The following BANK1 variants were observed in gnomAD, a reference collection of about 807,000 sequenced individuals.
BANK1 encodes B cell scaffold protein with ankyrin repeats 1.
A neutral mutation model predicts 94.5 loss-of-function variants in BANK1; 95 were observed. The observed-to-expected ratio is 1.00, with a 90% CI of 0.85 to 1.19. The LOEUF (loss-of-function observed/expected upper bound fraction) is 1.19. Ranked by LOEUF, BANK1 falls within the 50% of genes most tolerant of loss-of-function variation. The pLI is 0.00. For missense variants in BANK1, 987 were observed against 932.2 expected (o/e 1.06, Z -0.77); for synonymous variants, 334 against 308.4 (o/e 1.08, Z -0.87).
chr4:102,036,152 T>C (rs28730980), intron 10 of BANK1, among the ~76,000 whole-genome samples: 10,023 of 152,272 alleles, frequency 0.066, 848 homozygotes, highest in African/African-American at 0.19. Flanking sequence ...AATTTCCCTT[T>C]CAATTTCCAA....
intron 16 of BANK1, 127 bp downstream of exon 16, chr4:102,073,875 A>G (rs1489696768): frequency 2.8e-6 from 2 of 702,384 alleles, no homozygotes; most frequent in Non-Finnish European, 4.6e-6. Context: ...AAGGATTAAC[A>G]TGTATTTTTC....
intron 10 of BANK1, among the ~76,000 whole-genome samples, chr4:102,031,653 A>G (rs1027921757): frequency 1.3e-5 from 2 of 152,218 alleles, no homozygotes; most frequent in Non-Finnish European, 2.9e-5. Flanking sequence ...GGATATATGT[A>G]GAAATTCTCC....
chr4:101,854,807 A>G (rs565887076), intron 2 of BANK1, among the ~76,000 whole-genome samples: 56 of 152,208 alleles, frequency 3.7e-4, no homozygotes, highest in Non-Finnish European at 4.4e-5. Context: ...TAGTAGATGA[A>G]CATAGTATTA....
intron 7 of BANK1, among the ~76,000 whole-genome samples, chr4:101,993,595 C>G (rs1304551024): frequency 6.6e-6 from 1 of 152,122 alleles, no homozygotes; most frequent in Non-Finnish European, 1.5e-5. Flanking sequence ...GAAATGCATG[C>G]TGATAGAGCA....
chr4:101,873,003 A>G (rs188318237), intron 5 of BANK1, among the ~76,000 whole-genome samples: 1 of 151,924 alleles, frequency 6.6e-6, no homozygotes, highest in East Asian at 1.9e-4. Flanking sequence ...CTAAAGAAAA[A>G]AAAAAAAAGA....
At position 101,942,890 on chromosome 4, in the gene BANK1, T is replaced by C. The variant is rs531875187; in HGVS notation, c.1206+24701T>C. Among the ~76,000 whole-genome samples the C allele has an allele frequency of 2.0e-5, 3 of 152,042 alleles. No homozygotes were observed. The South Asian group carries it at 6.2e-4, about 32-fold the overall frequency. On this transcript the variant is annotated intron_variant, in intron 7 of 16. Coordinates refer to ENST00000322953, the MANE Select transcript of BANK1 (RefSeq NM_017935.5). ...GTGGCATGCTTTAAGGATACAAACA[T>C]TAATGAAATGGACTCTGCCTTGAAT...
Position 101,856,731 on chromosome 4 carries a change from A to G in BANK1, c.624+1542A>G, listed in dbSNP as rs188910537. Among the ~76,000 whole-genome samples the G allele has an allele frequency of 7.2e-5, 11 of 152,302 alleles. No individual in the cohort carries two copies. In the East Asian group the frequency reaches 2.1e-3, roughly 29 times the overall value. On this transcript the variant is annotated intron_variant, in intron 3 of 16. Transcript: ENST00000322953. ...TAGCTAGTTAGATAAGGGTTTTTTCAATAGGAGAATCATGGACTGTTTTTT... is the reference window on the plus strand; with the variant it reads ...TAGCTAGTTAGATAAGGGTTTTTTCGATAGGAGAATCATGGACTGTTTTTT...
chr4:101,998,411 G>A (rs1725952461), intron 7 of BANK1, among the ~76,000 whole-genome samples: 1 of 152,178 alleles, frequency 6.6e-6, no homozygotes, highest in Admixed American at 6.5e-5. Flanking sequence ...CCAGTGGAGA[G>A]TTCTGTAGAT....
intron 7 of BANK1, among the ~76,000 whole-genome samples, chr4:101,962,229 C>T (rs965191575): frequency 2.0e-5 from 3 of 152,106 alleles, no homozygotes; most frequent in African/African-American, 7.2e-5. Context: ...TGACATGGTT[C>T]AACCCCTTCA....
chr4:102,060,494 T>G (rs2148963741), intron 12 of BANK1, 105 bp downstream of exon 12: 1 of 1,213,302 alleles, frequency 8.2e-7, no homozygotes, highest in South Asian at 1.5e-5. Flanking sequence ...TCTTTCATTT[T>G]TAACTAGCCA....
At chr4:101,870,987 C>T (rs891947663) in intron 5 of BANK1, among the ~76,000 whole-genome samples, 22 of 151,978 alleles carry the variant, frequency 1.4e-4, no homozygotes, top group Non-Finnish European at 1.0e-4. Context: ...CTGCATAACA[C>T]AAAGTAAAAT....
At chr4:101,917,422 T>TA (rs1227090002) in intron 6 of BANK1, among the ~76,000 whole-genome samples, 3 of 152,062 alleles carry the variant, frequency 2.0e-5, no homozygotes, top group South Asian at 2.1e-4. Context: ...AAGACATTGA[T>TA]AAAAAAGTTG....
At chr4:101,794,977 TTTCACA>T (rs1170321363) in intron 1 of BANK1, among the ~76,000 whole-genome samples, 1 of 152,164 alleles carries the variant, frequency 6.6e-6, no homozygotes, top group Admixed American at 6.5e-5. Context: ...ATTGCCTTGT[TTTCACA>T]TGTGTTCTAC....
In BANK1 at chr4:101,855,207, G is replaced by A. The variant is rs749567838; in HGVS notation, c.624+18G>A. 9 of 1,604,456 alleles carry A rather than the reference G, an allele frequency of 5.6e-6. No individual in the cohort carries two copies. Among genetic ancestry groups the A allele is most frequent in the Non-Finnish European group, 7.7e-6 (9 of 1,174,022 alleles). ...CATGTGAGGTCAGTAAAGATACCTT[G>A]TTATTTAAGTGACCCCATTGTGTTA... On this transcript the variant is annotated intron_variant, in intron 3 of 16. Coordinates refer to ENST00000322953, the MANE Select transcript of BANK1 (RefSeq NM_017935.5).
chr4:101,888,569 G>A (rs1199625311), intron 5 of BANK1, among the ~76,000 whole-genome samples: 2 of 152,156 alleles, frequency 1.3e-5, no homozygotes, highest in Non-Finnish European at 2.9e-5. Flanking sequence ...AATTTACTGT[G>A]TTTAGAATGT....
intron 11 of BANK1, among the ~76,000 whole-genome samples, chr4:102,046,919 T>A (rs575487027): frequency 1.6e-3 from 239 of 152,136 alleles, no homozygotes; most frequent in Non-Finnish European, 2.5e-3. Flanking sequence ...TGATAATGAA[T>A]GTGTACATAC....
At position 101,953,136 on chromosome 4, in the gene BANK1, G is replaced by T. The variant is rs142053940; in HGVS notation, c.1206+34947G>T. ...AGATGATGGAAATGAAATGAAAAAA[G>T]AAATTGTATTACTTGAAACTTTGCC... is the stretch of plus-strand genomic sequence containing the variant. On this transcript the variant is annotated intron_variant, in intron 7 of 16. Transcript: ENST00000322953. Among the ~76,000 whole-genome samples the T allele has an allele frequency of 2.6e-4, 40 of 152,238 alleles. 1 individual carries two copies. In the East Asian group the frequency reaches 6.8e-3, roughly 26 times the overall value.
Position 101,895,409 on chromosome 4 carries a change from A to C in BANK1, c.1008A>C (p.Lys336Asn). ...AAACTGAAATTTGTTCTCAAAACAA[A>C]TGTGAGTATTTTCCAGCTGCATCAA... Reference protein sequence around the residue: ...SLQTEICSQNKYTHFKELPTL... With the variant: ...SLQTEICSQNNYTHFKELPTL... The change falls in exon 6 of 17, where the codon AAA becomes AAC. Residue 336 changes from lysine (K) to asparagine (N), a missense_variant and splice_region_variant. Lys to Asn is a moderately conservative substitution (Grantham distance 94). Transcript: ENST00000322953. 1 of 1,513,648 alleles carries C rather than the reference A, an allele frequency of 6.6e-7. No homozygotes were observed. Among genetic ancestry groups the C allele is most frequent in the Non-Finnish European group, 9.1e-7 (1 of 1,097,768 alleles). 93.8% of individuals were successfully genotyped at this position (1,513,648 alleles called of 1,614,324 possible). A position where few individuals can be genotyped will look rare whatever the true frequency, so the allele number is the denominator to read the frequency against.
intron 2 of BANK1, among the ~76,000 whole-genome samples, chr4:101,832,474 C>G (rs1419051751): frequency 1.3e-5 from 2 of 152,098 alleles, no homozygotes; most frequent in Non-Finnish European, 2.9e-5. Context: ...TCTCTCTAAT[C>G]CCTTTGAGTC....
Sources: allele counts gnomAD v4.1 joint callset (sites outside exome capture counted in the v4.1 genomes callset), GRCh38; gene constraint gnomAD v4.1.1; transcripts MANE v1.5; gene names NCBI Gene and HGNC (gene_info 2026-07-23, HGNC 2026-07-21).